FANK1: variants seen among roughly 807,000 people sequenced by gnomAD.
FANK1 encodes the protein fibronectin type III and ankyrin repeat domains 1, also known as fibronectin type 3 and ankyrin repeat domains protein 1.
In FANK1, 44 loss-of-function variants were observed where a neutral mutation model predicts 45.3. The observed-to-expected ratio is 0.97, with a 90% CI of 0.76 to 1.25. FANK1 has a LOEUF of 1.25. Among genes scored for constraint, FANK1 ranks in the 50% most tolerant of loss-of-function variants. The probability of loss-of-function intolerance (pLI) is 0.00; values close to 1 mark genes in which losing one functional copy is unlikely to be tolerated. For missense variants in FANK1, 391 were observed against 424.4 expected (o/e 0.92, Z 0.69); for synonymous variants, 149 against 152.5 (o/e 0.98, Z 0.17).
chr10:125,939,932 TTA>T (rs1425625572), intron 1 of FANK1, among the ~76,000 whole-genome samples: 1 of 149,238 alleles, frequency 6.7e-6, no homozygotes, highest in South Asian at 2.1e-4. Flanking sequence ...ATTATTATTA[TTA>T]TTTTTTTTTT....
At chr10:125,988,710 T>C (rs76119373) in intron 3 of FANK1, 35 bp downstream of exon 3, 1 of 1,614,134 alleles carries the variant, frequency 6.2e-7, no homozygotes, top group East Asian at 2.2e-5. Context: ...CACCTCTCTC[T>C]AGATCAATGG....
At chr10:125,968,620 C>A (rs1431344793) in intron 1 of FANK1, among the ~76,000 whole-genome samples, 1 of 152,152 alleles carries the variant, frequency 6.6e-6, no homozygotes, top group Non-Finnish European at 1.5e-5. Flanking sequence ...CCACTTCTCT[C>A]TGTAGCTTTT....
At chr10:125,987,502 G>A (rs535930366) in intron 2 of FANK1, among the ~76,000 whole-genome samples, 47 of 150,072 alleles carry the variant, frequency 3.1e-4, no homozygotes, top group African/African-American at 1.2e-3. Context: ...AAGTGTTGAA[G>A]CAGGAAAGAA....
rs147792040 is a variant in FANK1 at position 125,966,477 on chromosome 10, A to G, written c.14-13684A>G. Reference sequence around the variant, plus strand: ...CTGGTTTGTATTTGTTTGGTGTCCAATGTTCCCTGCTCCTCTCTTTGCCCT... The same window carrying G: ...CTGGTTTGTATTTGTTTGGTGTCCAGTGTTCCCTGCTCCTCTCTTTGCCCT... On this transcript the variant is annotated intron_variant, in intron 1 of 10. Transcript: ENST00000368693. 3.1e-3 allele frequency among the ~76,000 whole-genome samples: 477 copies of G among 152,228 alleles called. 1 individual carries two copies. The highest frequency in any genetic ancestry group is 0.01 in the African/African-American group (423 of 41,542).
At chr10:125,920,866 C>CAA (rs1284642245) in intron 1 of FANK1, among the ~76,000 whole-genome samples, 2 of 152,322 alleles carry the variant, frequency 1.3e-5, no homozygotes, top group Non-Finnish European at 2.9e-5. Context: ...TTGGGAGATA[C>CAA]CTATATGCAC....
chr10:125,913,950 G>A (rs990226057), intron 1 of FANK1, among the ~76,000 whole-genome samples: 2 of 152,148 alleles, frequency 1.3e-5, no homozygotes, highest in African/African-American at 4.8e-5. Context: ...CTAAATGAAG[G>A]ACTGTCGAGT....
chr10:125,911,036 C>CAAA (rs60802998), intron 1 of FANK1, among the ~76,000 whole-genome samples: 1 of 130,822 alleles, frequency 7.6e-6, no homozygotes, highest in African/African-American at 2.8e-5. Flanking sequence ...TCCGTCTTTC[C>CAAA]AAAAAAAAAA....
intron 1 of FANK1, among the ~76,000 whole-genome samples, chr10:125,949,240 T>C (rs1255546143): frequency 1.3e-5 from 2 of 150,658 alleles, no homozygotes; most frequent in Non-Finnish European, 1.5e-5. Context: ...ACCACTCCTA[T>C]TCAACATAGT....
chr10:125,974,376 G>A (rs1324077908), intron 1 of FANK1, among the ~76,000 whole-genome samples: 4 of 152,174 alleles, frequency 2.6e-5, no homozygotes, highest in Non-Finnish European at 5.9e-5. Context: ...TTGGCTCAAG[G>A]GAAATACAAG....
chr10:125,971,881 G>A (rs376779469), intron 1 of FANK1, among the ~76,000 whole-genome samples: 1 of 152,042 alleles, frequency 6.6e-6, no homozygotes, highest in Admixed American at 6.6e-5. Context: ...CTTGGCCTCC[G>A]AAAGTAAAGT....
At chr10:125,981,756 T>C (rs1172673419) in intron 2 of FANK1, among the ~76,000 whole-genome samples, 1 of 152,180 alleles carries the variant, frequency 6.6e-6, no homozygotes, top group Admixed American at 6.5e-5. Flanking sequence ...TTGAAAATAA[T>C]AGTGCAGTGT....
At chr10:125,956,341 G>T (rs960155719) in intron 1 of FANK1, among the ~76,000 whole-genome samples, 3 of 152,128 alleles carry the variant, frequency 2.0e-5, no homozygotes, top group Non-Finnish European at 4.4e-5. Context: ...CTTAAAGATT[G>T]TACAGAAAAT....
At chr10:125,930,217 A>G (rs181055794) in intron 1 of FANK1, among the ~76,000 whole-genome samples, 10 of 151,814 alleles carry the variant, frequency 6.6e-5, no homozygotes, top group Admixed American at 1.3e-4. Context: ...TAATTTTTGT[A>G]TATTTAATAG....
At chr10:125,953,455 C>T (rs1949381517) in intron 1 of FANK1, among the ~76,000 whole-genome samples, 1 of 152,184 alleles carries the variant, frequency 6.6e-6, no homozygotes, top group South Asian at 2.1e-4. Flanking sequence ...TCAGACCTCA[C>T]CTTCTCACCA....
chr10:125,920,701 G>C (rs1946884632), intron 1 of FANK1, among the ~76,000 whole-genome samples: 1 of 152,208 alleles, frequency 6.6e-6, no homozygotes, highest in Non-Finnish European at 1.5e-5. Context: ...TCTCAGGGCA[G>C]CACATCGTTT....
chr10:125,965,097 G>A (rs1214881205), intron 1 of FANK1, among the ~76,000 whole-genome samples: 1 of 152,214 alleles, frequency 6.6e-6, no homozygotes, highest in African/African-American at 2.4e-5. Context: ...GGCAGAGGTT[G>A]TGGCGAGCAG....
chr10:125,908,350 T>A (rs1321612012), intron 1 of FANK1, among the ~76,000 whole-genome samples: 2 of 152,164 alleles, frequency 1.3e-5, no homozygotes, highest in East Asian at 1.9e-4. Context: ...ATGGAATCAG[T>A]TCAAATGCCC....
intron 2 of FANK1, chr10:125,980,781 C>G (rs1439753287): frequency 6.4e-6 from 1 of 156,082 alleles, no homozygotes; most frequent in African/African-American, 2.4e-5. Context: ...ACAGGCCAAG[C>G]TGGTTCCCAT....
chr10:125,971,473 C>T (rs187321781), intron 1 of FANK1, among the ~76,000 whole-genome samples: 2 of 151,894 alleles, frequency 1.3e-5, no homozygotes, highest in Admixed American at 1.3e-4. Context: ...CAAACAATTA[C>T]CTGGTTTGCA....
Sources: gnomAD v4.1 joint callset for allele counts (sites outside exome capture counted in the v4.1 genomes callset) on GRCh38, gnomAD v4.1.1 for gene constraint, MANE v1.5 for transcripts, NCBI Gene and HGNC (gene_info 2026-07-23, HGNC 2026-07-21) for gene names.